The following RIPK1 variants were observed in gnomAD, a reference collection of about 807,000 sequenced individuals.
RIPK1 encodes receptor-interacting serine/threonine-protein kinase 1.
In RIPK1, 27 loss-of-function variants were observed where a neutral mutation model predicts 62.4. That is an observed-to-expected ratio of 0.43 (90% confidence interval 0.32 to 0.60). RIPK1 has a LOEUF of 0.60. Among genes scored for constraint, RIPK1 ranks in the 20% least tolerant of loss-of-function variants. The pLI is 0.07. For missense variants in RIPK1, 735 were observed against 831.0 expected (o/e 0.88, Z 1.42); for synonymous variants, 287 against 303.2 (o/e 0.95, Z 0.55).
chr6:3,109,171 A>T (rs1761027131), intron 9 of RIPK1, among the ~76,000 whole-genome samples: 1 of 152,150 alleles, frequency 6.6e-6, no homozygotes, highest in Non-Finnish European at 1.5e-5. Context: ...TGGGACTCAC[A>T]TTCTAGTGGA....
intron 1 of RIPK1, among the ~76,000 whole-genome samples, chr6:3,070,817 G>A (rs1460762549): frequency 6.6e-6 from 1 of 152,182 alleles, no homozygotes; most frequent in Non-Finnish European, 1.5e-5. Flanking sequence ...AAGGCTGTAA[G>A]GGTGGGTCTT....
chr6:3,075,535 A>T (rs1759006403), intron 1 of RIPK1, among the ~76,000 whole-genome samples: 1 of 151,980 alleles, frequency 6.6e-6, no homozygotes, highest in African/African-American at 2.4e-5. Context: ...AATGCCTTTC[A>T]GTTGTTAATT....
intron 1 of RIPK1, among the ~76,000 whole-genome samples, chr6:3,074,188 C>G (rs554771080): frequency 6.6e-6 from 1 of 152,264 alleles, no homozygotes; most frequent in East Asian, 1.9e-4. Context: ...TCCTTCATGC[C>G]CCTGCCCACT....
At chr6:3,088,832 C>T (rs1759864431) in intron 6 of RIPK1, 1 of 152,272 alleles carries the variant, frequency 6.6e-6, no homozygotes, top group Admixed American at 6.5e-5. Flanking sequence ...TTCTGTCTGT[C>T]CCTTGCTGCC....
chr6:3,072,924 C>T lies in RIPK1; in HGVS notation c.-60-3840C>T. Among the ~76,000 whole-genome samples the T allele has an allele frequency of 6.6e-6, 1 of 152,128 alleles. No individual in the cohort carries two copies. On this transcript the variant is annotated intron_variant, in intron 1 of 10. Coordinates refer to ENST00000259808, the MANE Select transcript of RIPK1 (RefSeq NM_001354930.2). This position sits in a 1 kb window ranked among gnomAD's most constrained non-coding sequence, Gnocchi z 5.6. ...TGCCCTCTGTCTCCACCCGCTCCTACCTCATTCTCACTAGGATTGGTCAGT... is the reference window on the plus strand; with the variant it reads ...TGCCCTCTGTCTCCACCCGCTCCTATCTCATTCTCACTAGGATTGGTCAGT...
intron 7 of RIPK1, among the ~76,000 whole-genome samples, chr6:3,097,813 T>C (rs1184397733): frequency 6.6e-6 from 1 of 151,990 alleles, no homozygotes; most frequent in Non-Finnish European, 1.5e-5. Flanking sequence ...AAATTATTTA[T>C]AAATAAATTT....
chr6:3,074,115 T>C (rs1758925561), intron 1 of RIPK1, among the ~76,000 whole-genome samples: 2 of 152,208 alleles, frequency 1.3e-5, no homozygotes, highest in South Asian at 4.1e-4. Flanking sequence ...TATGGGCAGA[T>C]GCGTATGCCT....
rs1278733615 is a variant in RIPK1, at chr6:3,105,383, T to C, written c.1007-99T>C. On this transcript the variant is annotated intron_variant, in intron 8 of 10. Coordinates refer to ENST00000259808, the MANE Select transcript of RIPK1 (RefSeq NM_001354930.2). The surrounding 1 kb of genome is among the most constrained non-coding windows in gnomAD (Gnocchi z 4.5). ...GGACTGGTCTCGTACTTGTTTTCTG[T>C]GTGTTACTTTGAGATACAGATTCAT... 2 of 916,956 alleles carry C rather than the reference T, an allele frequency of 2.2e-6. No individual in the cohort carries two copies. The highest frequency in any genetic ancestry group is 3.3e-5 in the African/African-American group (2 of 60,208). 56.8% of individuals were successfully genotyped at this position (916,956 alleles called of 1,614,324 possible).
rs112728504 is a variant in RIPK1 at position 3,103,526 on chromosome 6, T to C, written c.916-699T>C. ...CATGTTGGCCTGGCAGGTCTCGAAC[T>C]CCTGACCTCATGGGATCCACCTGCC... On this transcript the variant is annotated intron_variant, in intron 7 of 10. Coordinates refer to ENST00000259808, the MANE Select transcript of RIPK1 (RefSeq NM_001354930.2). Among the ~76,000 whole-genome samples, 802 of 152,082 alleles carry C rather than the reference T, an allele frequency of 5.3e-3. 7 individuals carry two copies. The highest frequency in any genetic ancestry group is 0.019 in the African/African-American group (785 of 41,346).
intron 1 of RIPK1, among the ~76,000 whole-genome samples, chr6:3,070,017 A>T (rs9378354): frequency 0.28 from 42,200 of 152,038 alleles, 5,990 homozygotes; most frequent in African/African-American, 0.35. Flanking sequence ...ATCAAAAAAA[A>T]AAATAAATAA....
At position 3,105,036 on chromosome 6, in the gene RIPK1, G is replaced by C. The variant is rs937348139; in HGVS notation, c.1007-446G>C. The stretch of plus-strand genomic sequence containing the variant: ...CCGGCTAATTTTTGTATTTTCAGTA[G>C]AGATGGGGTTTCGCCATGTTGGCCA... On this transcript the variant is annotated intron_variant, in intron 8 of 10. Coordinates refer to ENST00000259808, the MANE Select transcript of RIPK1 (RefSeq NM_001354930.2). This position sits in a 1 kb window ranked among gnomAD's most constrained non-coding sequence, Gnocchi z 4.5. 6.6e-6 allele frequency among the ~76,000 whole-genome samples: 1 copy of C among 152,120 alleles called. No homozygotes were observed. Among genetic ancestry groups the C allele is most frequent in the Non-Finnish European group, 1.5e-5 (1 of 68,036 alleles).
chr6:3,094,365 A>G (rs1267136299), intron 7 of RIPK1, among the ~76,000 whole-genome samples: 3 of 152,216 alleles, frequency 2.0e-5, no homozygotes, highest in African/African-American at 7.2e-5. Context: ...TATTTCAATT[A>G]TGTTCAAAAT....
intron 1 of RIPK1, among the ~76,000 whole-genome samples, chr6:3,076,198 C>T (rs1200487168): frequency 6.6e-6 from 1 of 152,000 alleles, no homozygotes; most frequent in Non-Finnish European, 1.5e-5. Flanking sequence ...CTGGAGGGTT[C>T]TTAAAATTTT....
At chr6:3,095,372 T>C (rs1291615968) in intron 7 of RIPK1, among the ~76,000 whole-genome samples, 1 of 152,134 alleles carries the variant, frequency 6.6e-6, no homozygotes, top group Admixed American at 6.5e-5. Context: ...CTGCCAAATA[T>C]TCAATGAAGA....
intron 5 of RIPK1, among the ~76,000 whole-genome samples, chr6:3,084,736 G>A (rs17513339): frequency 0.022 from 3,359 of 152,040 alleles, 121 homozygotes; most frequent in African/African-American, 0.077. Context: ...TGGGACTACA[G>A]GTGCACACCA....
In RIPK1 at chr6:3,104,286, T is replaced by C; in HGVS notation, c.977T>C (p.Val326Ala). ...KRMQSLQLDC[V>A]AVPSSRSNSA... ...ATGCAGTCTCTTCAACTTGATTGTG[T>C]GGCAGTACCTTCAAGCCGGTCAAAT... is the stretch of plus-strand genomic sequence containing the variant. Residue 326 changes from valine (V) to alanine (A), a missense_variant, in exon 8 of 11, where the codon GTG (valine) becomes GCG (alanine). Transcript: ENST00000259808. 2 of 1,600,194 alleles carry C rather than the reference T, an allele frequency of 1.2e-6. No individual in the cohort carries two copies. The highest frequency in any genetic ancestry group is 1.7e-6 in the Non-Finnish European group (2 of 1,168,398).
chr6:3,083,853 A>T (rs1040638420), intron 5 of RIPK1, among the ~76,000 whole-genome samples: 1 of 152,140 alleles, frequency 6.6e-6, no homozygotes, highest in East Asian at 1.9e-4. Context: ...CTTGTCTTAC[A>T]GTCAGATCCA....
At chr6:3,107,562 C>CA (rs60843872) in intron 9 of RIPK1, among the ~76,000 whole-genome samples, 1,899 of 42,596 alleles carry the variant, frequency 0.045, 21 homozygotes, top group East Asian at 0.069. Flanking sequence ...GAGACTGTCG[C>CA]AAAAAAAAAA....
Position 3,076,989 on chromosome 6 carries a change from T to G in RIPK1, c.164+2T>G. The G allele has an allele frequency of 6.3e-7, 1 of 1,581,652 alleles. No homozygotes were observed. Among genetic ancestry groups the G allele is most frequent in the Non-Finnish European group, 8.6e-7 (1 of 1,162,570 alleles). The stretch of plus-strand genomic sequence containing the variant: ...GTACAAGGGGCCCAACTGCATTGAG[T>G]GAGTAGGGAGCAGGGGTGGGTGGGC... On this transcript the variant is annotated splice_donor_variant, in intron 2 of 10. Coordinates refer to ENST00000259808, the MANE Select transcript of RIPK1 (RefSeq NM_001354930.2). LOFTEE classifies it high-confidence loss of function.
Sources: gnomAD v4.1 joint callset for allele counts (sites outside exome capture counted in the v4.1 genomes callset) on GRCh38, gnomAD v4.1.1 for gene constraint, Gnocchi (gnomAD v3.1) non-coding constraint, MANE v1.5 for transcripts, NCBI Gene and HGNC (gene_info 2026-07-23, HGNC 2026-07-21) for gene names.